TP73: variants seen among roughly 807,000 people sequenced by gnomAD.
The protein encoded by TP73 is p53-like transcription factor.
In TP73, 25 loss-of-function variants were observed where a neutral mutation model predicts 62.5. The observed-to-expected ratio is 0.40, with a 90% confidence interval of 0.29 to 0.56. The LOEUF (loss-of-function observed/expected upper bound fraction) is 0.56, where lower values mean the gene tolerates loss of function less well. Ranked by LOEUF, TP73 falls within the 20% of genes least tolerant of loss-of-function variation. The pLI, the probability that TP73 is intolerant of heterozygous loss-of-function variation, is 0.46. For synonymous variants in TP73, 423 were observed against 377.5 expected, an observed-to-expected ratio of 1.12 and a Z score of -1.40; for missense variants, 754 against 913.3, an observed-to-expected ratio of 0.83 and a Z score of 2.25.
intron 4 of TP73, among the ~76,000 whole-genome samples, chr1:3,711,048 C>T (rs1021350231): frequency 6.6e-6 from 1 of 152,210 alleles, no homozygotes; most frequent in Non-Finnish European, 1.5e-5. Flanking sequence ...AGGGGTGGAG[C>T]TGGCGTCTGC....
chr1:3,701,309 G>T lies in TP73; in HGVS notation c.187-6240G>T, dbSNP rs757423436. 1.3e-5 allele frequency among the ~76,000 whole-genome samples: 2 copies of T among 152,100 alleles called. No individual in the cohort carries two copies. Among genetic ancestry groups the T allele is most frequent in the Non-Finnish European group, 2.9e-5 (2 of 68,018 alleles). On this transcript the variant is annotated intron_variant, in intron 3 of 13. Coordinates refer to ENST00000378295, the MANE Select transcript of TP73 (RefSeq NM_005427.4). The surrounding 1 kb of genome is among the most constrained non-coding windows in gnomAD (Gnocchi z 4.7). Reference sequence around the variant, plus strand: ...GGATTCCCGTCCCTGTTCCTCGGCGGAGCCTGCCCAGCCGTCGTTCCTCCT... The same window carrying T: ...GGATTCCCGTCCCTGTTCCTCGGCGTAGCCTGCCCAGCCGTCGTTCCTCCT...
At position 3,662,783 on chromosome 1, in the gene TP73, T is replaced by C. The variant is rs12402637; in HGVS notation, c.-34+10142T>C. On this transcript the variant is annotated intron_variant, in intron 1 of 13. Transcript: ENST00000378295. This position sits in a 1 kb window ranked among gnomAD's most constrained non-coding sequence, Gnocchi z 4.4. Reference sequence around the variant, plus strand: ...GCAAGGGGGCCTAGAGGGGCCTCTATGGGCCTTGGAGATGGAATCAGCTCC... The same window carrying C: ...GCAAGGGGGCCTAGAGGGGCCTCTACGGGCCTTGGAGATGGAATCAGCTCC... Among the ~76,000 whole-genome samples, 27,888 of 152,098 alleles carry C rather than the reference T, an allele frequency of 0.18. 2,671 individuals are homozygous for C. Among genetic ancestry groups the C allele is most frequent in the Admixed American group, 0.24 (3,713 of 15,284 alleles).
intron 8 of TP73, 142 bp from the exon 9 acceptor site, chr1:3,727,987 C>CCGTCCCTGTGGGTTGCT (rs1641813637): frequency 1.7e-6 from 2 of 1,164,918 alleles, no homozygotes; most frequent in Non-Finnish European, 2.4e-6. Context: ...GCAGGTTTGC[C>CCGTCCCTGTGGGTTGCT]CGTCCCTGTG....
chr1:3,711,078 C>T (rs987808446), intron 4 of TP73, among the ~76,000 whole-genome samples: 1 of 152,242 alleles, frequency 6.6e-6, no homozygotes, highest in African/African-American at 2.4e-5. Flanking sequence ...AATCCCAGAG[C>T]TGCCCGTGAG....
At chr1:3,661,779 T>C (rs913162439) in intron 1 of TP73, among the ~76,000 whole-genome samples, 2 of 147,992 alleles carry the variant, frequency 1.4e-5, no homozygotes, top group African/African-American at 2.5e-5. Context: ...ATATAATATG[T>C]ATTATATATA....
At chr1:3,655,971 A>G (rs969654574) in intron 1 of TP73, among the ~76,000 whole-genome samples, 1 of 152,130 alleles carries the variant, frequency 6.6e-6, no homozygotes, top group Non-Finnish European at 1.5e-5. Context: ...AGGTCAGGAG[A>G]TCAAGACCAT....
intron 3 of TP73, among the ~76,000 whole-genome samples, chr1:3,689,583 G>T (rs376867321): frequency 2.6e-5 from 4 of 151,954 alleles, no homozygotes; most frequent in African/African-American, 4.8e-5. Context: ...AGCTCTGCCC[G>T]CTCTCCCGGG....
At position 3,670,401 on chromosome 1, in the gene TP73, A is replaced by G. The variant is rs1225077843; in HGVS notation, c.-33-11932A>G. 2.0e-5 allele frequency among the ~76,000 whole-genome samples: 3 copies of G among 152,180 alleles called. No individual in the cohort carries two copies. The highest frequency in any genetic ancestry group is 7.2e-5 in the African/African-American group (3 of 41,442). On this transcript the variant is annotated intron_variant, in intron 1 of 13. Transcript: ENST00000378295. The surrounding 1 kb of genome is among the most constrained non-coding windows in gnomAD (Gnocchi z 5.9). ...GGAAGAAGGCCAGGCGTGGTGGCTC[A>G]CATCTGTAATCCCAGCACTCTGGGA...
rs543478893 is a variant in TP73, at chr1:3,711,865, T to C, written c.429+4074T>C. Among the ~76,000 whole-genome samples the C allele has an allele frequency of 9.0e-3, 1,346 of 149,764 alleles. 15 individuals carry two copies. Among genetic ancestry groups the C allele is most frequent in the African/African-American group, 0.031 (1,252 of 40,682 alleles). On this transcript the variant is annotated intron_variant, in intron 4 of 13. Transcript: ENST00000378295. ...GTGTGTATGTGTGTGTGTGTGTGTG[T>C]GTGCGCGAGCATGTGCACACATGTT...
At position 3,692,029 on chromosome 1, in the gene TP73, C is replaced by T. The variant is rs145247288; in HGVS notation, c.186+8849C>T. ...CGTGGATGTGCATGCAATACGCAGG[C>T]GAGGATATGTGCAGATGTGTGTGTG... On this transcript the variant is annotated intron_variant, in intron 3 of 13. Transcript: ENST00000378295. Among the ~76,000 whole-genome samples the T allele has an allele frequency of 1.4e-4, 21 of 152,072 alleles. No homozygotes were observed. The East Asian group carries it at 3.3e-3, about 24-fold the overall frequency.
At chr1:3,713,012 A>G (rs1360946813) in intron 4 of TP73, among the ~76,000 whole-genome samples, 2 of 152,152 alleles carry the variant, frequency 1.3e-5, no homozygotes, top group Non-Finnish European at 2.9e-5. Context: ...GGAACCAGTG[A>G]TAAGGAGGTG....
chr1:3,723,183 G>C (rs534707896), intron 5 of TP73, among the ~76,000 whole-genome samples, 171 bp from the exon 6 acceptor site: 1 of 148,352 alleles, frequency 6.7e-6, no homozygotes, highest in East Asian at 2.1e-4. Flanking sequence ...CTCTGCACCT[G>C]ACATGGGGCT....
chr1:3,727,009 C>T, intron 6 of TP73, 106 bp from the exon 7 acceptor site: 5 of 905,382 alleles, frequency 5.5e-6, no homozygotes, highest in South Asian at 3.2e-5. Context: ...AGGGCATCCC[C>T]CTGCCTACGT....
chr1:3,689,386 C>T (rs750963), intron 3 of TP73, among the ~76,000 whole-genome samples: 17,075 of 152,252 alleles, frequency 0.11, 1,214 homozygotes, highest in Non-Finnish European at 0.16. Context: ...CAGGAAGAGA[C>T]GGGCGTCCAG....
chr1:3,695,925 A>C (rs1463075592), intron 3 of TP73, among the ~76,000 whole-genome samples: 4 of 152,092 alleles, frequency 2.6e-5, no homozygotes, highest in Non-Finnish European at 5.9e-5. Context: ...GCTGGATATG[A>C]GGGAAGGGGT....
intron 4 of TP73, among the ~76,000 whole-genome samples, chr1:3,710,635 C>G (rs1253204919): frequency 1.3e-5 from 2 of 152,252 alleles, no homozygotes; most frequent in African/African-American, 4.8e-5. Context: ...ACACCCTCAC[C>G]AGCCCCCAAG....
intron 3 of TP73, among the ~76,000 whole-genome samples, chr1:3,684,228 C>T (rs578022175): frequency 6.6e-6 from 1 of 152,248 alleles, no homozygotes; most frequent in Admixed American, 6.5e-5. Flanking sequence ...TGCCCCGCCC[C>T]GCCTCCGCCG....
At chr1:3,728,932 G>A (rs115496227) in intron 9 of TP73, among the ~76,000 whole-genome samples, 1,619 of 152,266 alleles carry the variant, frequency 0.011, 33 homozygotes, top group African/African-American at 0.037. Flanking sequence ...AGGCTGCAGC[G>A]AGCTATGATG....
At chr1:3,664,475 G>A (rs1401371036) in intron 1 of TP73, among the ~76,000 whole-genome samples, 1 of 152,210 alleles carries the variant, frequency 6.6e-6, no homozygotes, top group Admixed American at 6.5e-5. Flanking sequence ...TGGGTCCTTT[G>A]GAAAGGGCAG....
Sources: allele counts gnomAD v4.1 joint callset (sites outside exome capture counted in the v4.1 genomes callset), GRCh38; gene constraint gnomAD v4.1.1; non-coding constraint Gnocchi (gnomAD v3.1); transcripts MANE v1.5; gene names NCBI Gene and HGNC (gene_info 2026-07-23, HGNC 2026-07-21).